Variants in SRCAP observed in about 807,000 individuals in gnomAD.
SRCAP encodes the protein chromatin remodeling protein SRCAP.
In SRCAP, 46 loss-of-function variants were observed where a neutral mutation model predicts 263.1. That is an observed-to-expected ratio of 0.17 (90% CI 0.14 to 0.22). SRCAP has a LOEUF of 0.22. SRCAP is among the 10% of genes least tolerant of loss of function. SRCAP has a pLI of 1.00. For missense variants in SRCAP, 3,695 were observed against 4,181.9 expected (o/e 0.88, Z 3.21); for synonymous variants, 1,813 against 1,662.1 (o/e 1.09, Z -2.21).
chr16:30,712,280 C>G lies in SRCAP; in HGVS notation c.1834C>G (p.Leu612Val), dbSNP rs759309652. Residue 612 changes from leucine to valine, a missense_variant, in exon 13 of 34, where the codon CTG becomes GTG. By Grantham distance (32) the Leu-to-Val change is conservative. Coordinates refer to ENST00000262518, the MANE Select transcript of SRCAP (RefSeq NM_006662.3). ...CTGACAGGTAAAGACGCCCATTCCC[C>G]TGCTTCTGCGGGGCCAGCTCCGGGA... is the stretch of plus-strand genomic sequence containing the variant. ...ATTQVKTPIPLLLRGQLREYQ... is the reference protein window; with the variant it reads ...ATTQVKTPIPVLLRGQLREYQ... 1 of 1,597,580 alleles carries G rather than the reference C, an allele frequency of 6.3e-7. No homozygotes were observed. Among genetic ancestry groups the G allele is most frequent in the Non-Finnish European group, 8.5e-7 (1 of 1,171,978 alleles).
At chr16:30,734,703 A>G (rs1046151586) in intron 31 of SRCAP, 88 bp downstream of exon 31, 1 of 1,572,802 alleles carries the variant, frequency 6.4e-7, no homozygotes, top group Non-Finnish European at 8.7e-7. Flanking sequence ...TGTCCAGGGG[A>G]AAGAGATGTT....
chr16:30,723,056 C>T lies in SRCAP; in HGVS notation c.3986C>T (p.Pro1329Leu). ...DGLTPVPPLA[P>L]APRPPSSGLP... ...CTGACTCCTGTTCCTCCATTGGCCC[C>T]AGCACCCCGGCCTCCGAGCTCTGGG... Residue 1329 changes from proline to leucine, a missense_variant, in exon 24 of 34, where the codon CCA (proline) becomes CTA (leucine). This residue lies in a region of SRCAP where 1,347 missense variants were observed against 1,304.4 expected (regional missense o/e 1.03). Transcript: ENST00000262518. 1 of 1,614,098 alleles carries T rather than the reference C, an allele frequency of 6.2e-7. No individual in the cohort carries two copies. Among genetic ancestry groups the T allele is most frequent in the Non-Finnish European group, 8.5e-7 (1 of 1,180,020 alleles).
In SRCAP at chr16:30,737,945, G is replaced by A. The variant is rs2053177151; in HGVS notation, c.7905G>A (p.Val2635=). 6.2e-7 allele frequency: 1 copy of A among 1,614,168 alleles called. No individual in the cohort carries two copies. The highest frequency in any genetic ancestry group is 8.5e-7 in the Non-Finnish European group (1 of 1,180,040). Residue 2635 remains valine (V), a synonymous_variant, in exon 34 of 34, where the codon GTG becomes GTA. Transcript: ENST00000262518. ...CTGCTGAGGGGACCACCCTTACAGTGCTGCCTGAAGGTGAGGAGTTGCCCC... is the reference window on the plus strand; with the variant it reads ...CTGCTGAGGGGACCACCCTTACAGTACTGCCTGAAGGTGAGGAGTTGCCCC... ...PDSAEGTTLT[V]LPEGEELPLC...
At chr16:30,717,410 A>G (rs1197608602) in intron 18 of SRCAP, among the ~76,000 whole-genome samples, 1 of 151,672 alleles carries the variant, frequency 6.6e-6, no homozygotes, top group East Asian at 1.9e-4. Flanking sequence ...CCTTTTCGCT[A>G]TGTTGATAGT....
At chr16:30,728,068 C>T (rs766795368) in intron 25 of SRCAP, among the ~76,000 whole-genome samples, 7 of 152,206 alleles carry the variant, frequency 4.6e-5, no homozygotes, top group Non-Finnish European at 8.8e-5. Flanking sequence ...TGCTAGGACA[C>T]CTTTTTTCCC....
chr16:30,737,398 C>T lies in SRCAP; in HGVS notation c.7358C>T (p.Ala2453Val), dbSNP rs2053171173. 4 of 1,610,656 alleles carry T rather than the reference C, an allele frequency of 2.5e-6. No homozygotes were observed. The highest frequency in any genetic ancestry group is 3.4e-6 in the Non-Finnish European group (4 of 1,178,666). ...PRPTPASAPA[A>V]IPALVPVPVS... is the part of the protein sequence containing the mutation. ...CCCACTCCAGCTTCAGCTCCGGCTG[C>T]AATTCCTGCCCTTGTTCCTGTCCCA... Residue 2453 changes from alanine (A) to valine (V), a missense_variant, in exon 34 of 34, where the codon GCA becomes GTA. Physicochemically the swap from Ala to Val is moderately conservative, Grantham distance 64. This residue lies in a region of SRCAP where 1,207 missense variants were observed against 1,142.9 expected (regional missense o/e 1.06). Transcript: ENST00000262518.
intron 27 of SRCAP, among the ~76,000 whole-genome samples, chr16:30,730,825 G>T (rs960662858): frequency 2.0e-5 from 3 of 148,198 alleles, no homozygotes; most frequent in Non-Finnish European, 4.5e-5. Context: ...CCACCACAAC[G>T]CCTGGGTGAT....
chr16:30,734,837 G>GTA (rs1567252403), intron 31 of SRCAP, among the ~76,000 whole-genome samples: 1 of 152,164 alleles, frequency 6.6e-6, no homozygotes, highest in Non-Finnish European at 1.5e-5. Flanking sequence ...TTGAATTCCA[G>GTA]TAATGCTTCT....
Position 30,736,615 on chromosome 16 carries a change from A to G in SRCAP, c.6999A>G (p.Lys2333=). ...AGGAGGTGAGCCGAGAGGAGCTCAA[A>G]CAGGCAGAAGTGAGTATTTCCAGGG... is the stretch of plus-strand genomic sequence containing the variant. ...SLEEVSREEL[K]QAEEQVEAAR... is the part of the protein sequence containing the mutation. The change falls in exon 33 of 34, where the codon AAA becomes AAG. Residue 2333 remains lysine, a synonymous_variant. Transcript: ENST00000262518. The G allele has an allele frequency of 6.2e-7, 1 of 1,614,206 alleles. No homozygotes were observed. The highest frequency in any genetic ancestry group is 8.5e-7 in the Non-Finnish European group (1 of 1,180,026).
rs2052802389 is a variant in SRCAP at position 30,704,312 on chromosome 16, G to A, written c.303G>A (p.Lys101=). ...ATGCCGAAATTGCAGAACAGGCCAAGCATGTACGTATTAGAAAGGCTTATG... is the reference window on the plus strand; with the variant it reads ...ATGCCGAAATTGCAGAACAGGCCAAACATGTACGTATTAGAAAGGCTTATG... ...KSHAEIAEQA[K]HEAEIETRIA... Residue 101 remains lysine (K), a synonymous_variant, in exon 4 of 34, where the codon AAG becomes AAA. Coordinates refer to ENST00000262518, the MANE Select transcript of SRCAP (RefSeq NM_006662.3). The A allele has an allele frequency of 3.1e-6, 5 of 1,594,908 alleles. No individual in the cohort carries two copies. Among genetic ancestry groups the A allele is most frequent in the Non-Finnish European group, 4.3e-6 (5 of 1,166,314 alleles).
chr16:30,736,334 T>C lies in SRCAP; in HGVS notation c.6864T>C (p.Pro2288=), dbSNP rs2053160199. The C allele has an allele frequency of 6.2e-7, 1 of 1,613,940 alleles. No homozygotes were observed. Among genetic ancestry groups the C allele is most frequent in the African/African-American group, 1.3e-5 (1 of 74,890 alleles). The change falls in exon 32 of 34, where the codon CCT becomes CCC. Residue 2288 remains proline (P), a synonymous_variant. Coordinates refer to ENST00000262518, the MANE Select transcript of SRCAP (RefSeq NM_006662.3). ...GTGAGGGAGAGGAAGCTGGCCGGCC[T>C]GGGGCTGAGGATGAGGAGATGTCCC... is the stretch of plus-strand genomic sequence containing the variant. The part of the protein sequence containing the change: ...PAGEGEEAGR[P]GAEDEEMSRA...
Position 30,733,607 on chromosome 16 carries a change from G to A in SRCAP, c.6303G>A (p.Leu2101=). 1 of 1,612,998 alleles carries A rather than the reference G, an allele frequency of 6.2e-7. No individual in the cohort carries two copies. Among genetic ancestry groups the A allele is most frequent in the Non-Finnish European group, 8.5e-7 (1 of 1,179,210 alleles). The change falls in exon 29 of 34, where the codon TTG becomes TTA. Residue 2101 remains leucine (L), a synonymous_variant. Coordinates refer to ENST00000262518, the MANE Select transcript of SRCAP (RefSeq NM_006662.3). The surrounding 1 kb of genome is among the most constrained non-coding windows in gnomAD (Gnocchi z 5.3). ...GSTRVEQRQA[L]MERFNADKRI... is the part of the protein sequence containing the mutation. ...TTTTTTCCCTTTCCTTCTAGGCCTT[G>A]ATGGAACGGTTCAATGCAGACAAAC...
At position 30,712,079 on chromosome 16, in the gene SRCAP, T is replaced by A; in HGVS notation, c.1737T>A (p.Gly579=). 6.2e-7 allele frequency: 1 copy of A among 1,613,992 alleles called. No homozygotes were observed. The highest frequency in any genetic ancestry group is 8.5e-7 in the Non-Finnish European group (1 of 1,180,000). The change falls in exon 12 of 34, where the codon GGT becomes GGA. Residue 579 remains glycine (G), a synonymous_variant. Coordinates refer to ENST00000262518, the MANE Select transcript of SRCAP (RefSeq NM_006662.3). Reference sequence around the variant, plus strand: ...CTACTCCAGGGCCCACTACTCTAGGTCCAAAGAAAGAAATTACTGACATTG... The same window carrying A: ...CTACTCCAGGGCCCACTACTCTAGGACCAAAGAAAGAAATTACTGACATTG... ...GPPTPGPTTL[G]PKKEITDIAA...
intron 16 of SRCAP, 44 bp downstream of exon 16, chr16:30,713,755 A>G (rs1567243523): frequency 6.3e-7 from 1 of 1,576,680 alleles, no homozygotes; most frequent in Non-Finnish European, 8.7e-7. Flanking sequence ...AATGGTAAGG[A>G]ACCATTCCTG....
At chr16:30,701,952 C>CT (rs1390062542) in intron 3 of SRCAP, among the ~76,000 whole-genome samples, 3,289 of 139,464 alleles carry the variant, frequency 0.024, 95 homozygotes, top group African/African-American at 0.076. Context: ...TTCTTTCTTT[C>CT]TTTTTTTTTT....
intron 18 of SRCAP, among the ~76,000 whole-genome samples, chr16:30,719,899 C>G (rs1323692876): frequency 6.6e-6 from 1 of 152,042 alleles, no homozygotes; most frequent in African/African-American, 2.4e-5. Flanking sequence ...ACGATTGATC[C>G]TGTTACTCAG....
At position 30,733,012 on chromosome 16, in the gene SRCAP, T is replaced by G. The variant is rs781652741; in HGVS notation, c.6128-268T>G. ...CATCACGCCCAGCTAATTTTTGTGT[T>G]TTTAGTAGAGACAGGGTCTCATCAT... On this transcript the variant is annotated intron_variant, in intron 27 of 33. Coordinates refer to ENST00000262518, the MANE Select transcript of SRCAP (RefSeq NM_006662.3). The surrounding 1 kb of genome is among the most constrained non-coding windows in gnomAD (Gnocchi z 5.3). Among the ~76,000 whole-genome samples, 2 of 152,094 alleles carry G rather than the reference T, an allele frequency of 1.3e-5. No homozygotes were observed. Among genetic ancestry groups the G allele is most frequent in the African/African-American group, 2.4e-5 (1 of 41,390 alleles).
intron 27 of SRCAP, among the ~76,000 whole-genome samples, chr16:30,730,460 C>T (rs998388914): frequency 3.9e-5 from 6 of 151,932 alleles, no homozygotes; most frequent in African/African-American, 1.2e-4. Flanking sequence ...CAGATAGAGT[C>T]TCACTCTGTC....
intron 31 of SRCAP, 51 bp from the exon 32 acceptor site, chr16:30,736,149 G>A (rs761096425): frequency 1.2e-6 from 2 of 1,605,296 alleles, no homozygotes; most frequent in Admixed American, 1.7e-5. Context: ...ATCACAGGAT[G>A]TAAAGTACTT....
Sources: gnomAD v4.1 joint callset for allele counts (sites outside exome capture counted in the v4.1 genomes callset) on GRCh38, gnomAD v4.1.1 for gene constraint, gnomAD v4.1.1 regional missense constraint, Gnocchi (gnomAD v3.1) non-coding constraint, MANE v1.5 for transcripts, NCBI Gene and HGNC (gene_info 2026-07-23, HGNC 2026-07-21) for gene names.